TRPC3: variants seen among roughly 807,000 people sequenced by gnomAD.
TRPC3 encodes transient receptor potential cation channel subfamily C member 3, also known as short transient receptor potential channel 3.
A neutral mutation model predicts 90.9 loss-of-function variants in TRPC3; 54 were observed. That is an observed-to-expected ratio of 0.59 (90% CI 0.48 to 0.75). The LOEUF is 0.75. Among genes scored for constraint, TRPC3 ranks in the 30% least tolerant of loss-of-function variants. TRPC3 has a pLI of 0.00. For synonymous variants in TRPC3, 424 were observed against 450.9 expected (o/e 0.94, Z 0.75); for missense variants, 918 against 1,194.5 (o/e 0.77, Z 3.41).
intron 10 of TRPC3, among the ~76,000 whole-genome samples, chr4:121,898,351 G>A (rs917669359): frequency 2.6e-5 from 4 of 152,186 alleles, no homozygotes; most frequent in Non-Finnish European, 4.4e-5. Context: ...GAGCATTACC[G>A]CTTGAGCTCC....
Position 121,902,188 on chromosome 4 carries a change from G to A in TRPC3, c.2463+664C>T, listed in dbSNP as rs546947020. Among the ~76,000 whole-genome samples, 32 of 152,136 alleles carry A rather than the reference G, an allele frequency of 2.1e-4. 1 individual carries two copies. In the South Asian group the frequency reaches 2.3e-3, roughly 11 times the overall value. The stretch of plus-strand genomic sequence containing the variant: ...ATTTTAACTCTACACATTTGTTCCT[G>A]TCTGCCTCATTCCCTATTATTTAGG... On this transcript the variant is annotated intron_variant, in intron 9 of 11. Coordinates refer to ENST00000379645, the MANE Select transcript of TRPC3 (RefSeq NM_001130698.2).
In TRPC3 at chr4:121,912,106, A is replaced by G. The variant is rs200287702; in HGVS notation, c.1342-13T>C. 1.4e-5 allele frequency: 23 copies of G among 1,610,074 alleles called. No homozygotes were observed. The highest frequency in any genetic ancestry group is 1.9e-5 in the Non-Finnish European group (22 of 1,177,830). On this transcript the variant is annotated splice_polypyrimidine_tract_variant and intron_variant, in intron 4 of 11. Transcript: ENST00000379645. ...GAATTTTCCCCAGCTGTAACAAACC[A>G]AAGAGGAAAAGTTTGCTTCAGAAAA...
intron 3 of TRPC3, among the ~76,000 whole-genome samples, chr4:121,921,175 A>G (rs185964124): frequency 3.9e-5 from 6 of 152,256 alleles, no homozygotes; most frequent in Non-Finnish European, 7.4e-5. Context: ...GCCCAGTTAG[A>G]AGACAATAGA....
rs1729034488 is a variant in TRPC3, at chr4:121,910,298, G to A, written c.1648C>T (p.Leu550=). The stretch of plus-strand genomic sequence containing the variant: ...GTGAAAGCAGCAATGAAGATGGACA[G>A]CATCCCAAAGTCAAGCACATTCCAC... ...QLWNVLDFGM[L]SIFIAAFTAR... The change falls in exon 6 of 12, where the codon CTG becomes TTG. Residue 550 remains leucine, a synonymous_variant. Coordinates refer to ENST00000379645, the MANE Select transcript of TRPC3 (RefSeq NM_001130698.2). 1 of 1,613,756 alleles carries A rather than the reference G, an allele frequency of 6.2e-7. No homozygotes were observed.
chr4:121,912,602 C>T (rs747614315), intron 4 of TRPC3, among the ~76,000 whole-genome samples: 9 of 152,112 alleles, frequency 5.9e-5, no homozygotes, highest in Admixed American at 3.3e-4. Context: ...ATTCCAAAAT[C>T]AAGTTATACC....
chr4:121,936,299 G>A (rs1422749444), intron 1 of TRPC3, among the ~76,000 whole-genome samples: 2 of 152,294 alleles, frequency 1.3e-5, no homozygotes, highest in African/African-American at 4.8e-5. Flanking sequence ...TGAAAAATAA[G>A]GAAGGAATGT....
chr4:121,929,868 T>A lies in TRPC3; in HGVS notation c.987+2403A>T, dbSNP rs183493615. Among the ~76,000 whole-genome samples the A allele has an allele frequency of 4.0e-3, 602 of 149,106 alleles. 2 individuals carry two copies. The highest frequency in any genetic ancestry group is 7.3e-3 in the Admixed American group (109 of 14,940). ...TCACCTCTTTTTCACTAGGAAAAAA[T>A]TTTTTTTTTTAATTTCAAGGCTAAT... On this transcript the variant is annotated intron_variant, in intron 2 of 11. Transcript: ENST00000379645.
Position 121,874,612 on chromosome 4 carries a change from T to C in TRPC3, c.*5124A>G, listed in dbSNP as rs542725580. Among the ~76,000 whole-genome samples the C allele has an allele frequency of 9.9e-5, 15 of 152,260 alleles. No individual in the cohort carries two copies. Among genetic ancestry groups the C allele is most frequent in the Non-Finnish European group, 2.2e-4 (15 of 68,044 alleles). ...GGCTTATAGATCGTCATCTTCTCCG[T>C]GTCTTCACGTGGTCCTCCCTCTATG... On this transcript the variant is annotated 3_prime_UTR_variant, in exon 12 of 12. Transcript: ENST00000379645.
intron 9 of TRPC3, among the ~76,000 whole-genome samples, chr4:121,902,584 T>C (rs1424129766): frequency 1.3e-5 from 2 of 152,244 alleles, no homozygotes; most frequent in East Asian, 1.9e-4. Flanking sequence ...GTGACTTTTC[T>C]GGTTACTTTT....
intron 3 of TRPC3, among the ~76,000 whole-genome samples, chr4:121,917,843 T>C (rs998380548): frequency 3.3e-5 from 5 of 152,196 alleles, no homozygotes; most frequent in Admixed American, 6.5e-5. Context: ...TTAAATCAGA[T>C]TACCACTTAG....
chr4:121,936,740 T>C (rs1214265280), intron 1 of TRPC3, among the ~76,000 whole-genome samples: 3 of 152,100 alleles, frequency 2.0e-5, no homozygotes, highest in Non-Finnish European at 4.4e-5. Flanking sequence ...TAAGGAAACA[T>C]TGAGAAGGTG....
intron 10 of TRPC3, among the ~76,000 whole-genome samples, chr4:121,898,926 T>A (rs1403161956): frequency 2.0e-5 from 3 of 152,132 alleles, no homozygotes; most frequent in Admixed American, 1.3e-4. Flanking sequence ...GTTTCCTGCT[T>A]CTAAAAAAAT....
chr4:121,910,055 A>G lies in TRPC3; in HGVS notation c.1792+99T>C, dbSNP rs1323631061. 8 of 856,576 alleles carry G rather than the reference A, an allele frequency of 9.3e-6. No individual in the cohort carries two copies. The African/African-American group carries it at 1.2e-4, about 13-fold the overall frequency. 53.1% of individuals were successfully genotyped at this position (856,576 alleles called of 1,614,324 possible). On this transcript the variant is annotated intron_variant, in intron 6 of 11. Coordinates refer to ENST00000379645, the MANE Select transcript of TRPC3 (RefSeq NM_001130698.2). ...TCCACTGTCCATAAATATTCAATAC[A>G]CCTCTCATACTAAACATACTCCAAT... is the stretch of plus-strand genomic sequence containing the variant.
At chr4:121,941,173 C>T (rs1228024339) in intron 1 of TRPC3, among the ~76,000 whole-genome samples, 2 of 152,190 alleles carry the variant, frequency 1.3e-5, no homozygotes, top group Non-Finnish European at 2.9e-5. Context: ...CAGCTTCTAA[C>T]ATGGGTGTTT....
chr4:121,935,186 T>C (rs1355285259), intron 1 of TRPC3, among the ~76,000 whole-genome samples: 3 of 152,208 alleles, frequency 2.0e-5, no homozygotes, highest in Non-Finnish European at 4.4e-5. Context: ...AATTAATGTT[T>C]TAAATTTTTA....
Position 121,879,479 on chromosome 4 carries a change from A to G in TRPC3, c.*257T>C. The G allele has an allele frequency of 2.7e-6, 1 of 372,664 alleles. No individual in the cohort carries two copies. The highest frequency in any genetic ancestry group is 4.8e-6 in the Non-Finnish European group (1 of 209,430). The allele number at this position is 372,664 out of a possible 1,614,324, so 23.1% of individuals were successfully genotyped here. On this transcript the variant is annotated 3_prime_UTR_variant, in exon 12 of 12. Transcript: ENST00000379645. ...GCAAAGATGTGGAGTTTACTCTAAAATGAATAAAAGTTTCAATAATATAGT... is the reference window on the plus strand; with the variant it reads ...GCAAAGATGTGGAGTTTACTCTAAAGTGAATAAAAGTTTCAATAATATAGT...
chr4:121,918,657 G>T (rs1458745820), intron 3 of TRPC3, among the ~76,000 whole-genome samples: 5 of 152,096 alleles, frequency 3.3e-5, no homozygotes, highest in Non-Finnish European at 5.9e-5. Context: ...AGCTTAACAG[G>T]TCTATTTCCT....
At position 121,932,133 on chromosome 4, in the gene TRPC3, ATGAC is replaced by A; in HGVS notation, c.987+134_987+137del. On this transcript the variant is annotated intron_variant, in intron 2 of 11. Coordinates refer to ENST00000379645, the MANE Select transcript of TRPC3 (RefSeq NM_001130698.2). The surrounding 1 kb of genome is among the most constrained non-coding windows in gnomAD (Gnocchi z 7.7). ...AAAGAAAACATTAGATGAGGTCTGA[ATGAC>A]GTTCTCAGTCCCTCGTGATTTCACA... is the stretch of plus-strand genomic sequence containing the variant. 7.4e-7 allele frequency: 1 copy of A among 1,350,744 alleles called. No homozygotes were observed. Among genetic ancestry groups the A allele is most frequent in the Non-Finnish European group, 9.9e-7 (1 of 1,006,204 alleles). The allele number at this position is 1,350,744 out of a possible 1,614,324, so 83.7% of individuals were successfully genotyped here.
At chr4:121,934,955 T>C (rs1445448541) in intron 1 of TRPC3, among the ~76,000 whole-genome samples, 2 of 152,250 alleles carry the variant, frequency 1.3e-5, no homozygotes, top group African/African-American at 4.8e-5. Flanking sequence ...TAGTGTCAAG[T>C]GATCAACTTT....
Sources: allele counts gnomAD v4.1 joint callset (sites outside exome capture counted in the v4.1 genomes callset), GRCh38; gene constraint gnomAD v4.1.1; non-coding constraint Gnocchi (gnomAD v3.1); transcripts MANE v1.5; gene names NCBI Gene and HGNC (gene_info 2026-07-23, HGNC 2026-07-21).